Variants in PCSK5 observed in about 807,000 individuals in gnomAD.
The protein encoded by PCSK5 is prohormone convertase 5.
PCSK5 carries 129 observed loss-of-function variants against 233.2 expected under a neutral mutation model. The ratio of observed to expected loss-of-function variants is 0.55; its 90% CI spans 0.48 to 0.64. The LOEUF is 0.64. Among genes scored for constraint, PCSK5 ranks in the 30% least tolerant of loss-of-function variants. PCSK5 has a pLI of 0.00. For missense variants in PCSK5, 2,076 were observed against 2,430.1 expected (o/e 0.85, Z 3.06); for synonymous variants, 825 against 879.2 (o/e 0.94, Z 1.09).
intron 5 of PCSK5, among the ~76,000 whole-genome samples, chr9:76,057,393 C>T (rs1829859307): frequency 6.6e-6 from 1 of 151,974 alleles, no homozygotes; most frequent in Non-Finnish European, 1.5e-5. Flanking sequence ...TGATATTTTT[C>T]TCGGGGTAGT....
At chr9:76,046,768 G>A (rs1159043962) in intron 5 of PCSK5, among the ~76,000 whole-genome samples, 1 of 150,844 alleles carries the variant, frequency 6.6e-6, no homozygotes, top group African/African-American at 2.4e-5. Flanking sequence ...CAACGTGTTA[G>A]CCAGGATGGT....
intron 3 of PCSK5, among the ~76,000 whole-genome samples, chr9:75,986,655 A>G (rs1393328141): frequency 6.6e-6 from 1 of 152,214 alleles, no homozygotes; most frequent in African/African-American, 2.4e-5. Flanking sequence ...CATCATTGAA[A>G]TGACTCTGCT....
chr9:76,109,967 A>C (rs1564031812), intron 9 of PCSK5, among the ~76,000 whole-genome samples: 1 of 152,212 alleles, frequency 6.6e-6, no homozygotes, highest in African/African-American at 2.4e-5. Context: ...CAGTGCATTA[A>C]GGCTGCAGTT....
chr9:76,330,594 GA>G (rs1156698005), intron 33 of PCSK5, among the ~76,000 whole-genome samples: 1 of 151,560 alleles, frequency 6.6e-6, no homozygotes, highest in East Asian at 1.9e-4. Flanking sequence ...ACAAAAAATG[GA>G]AAAAAATTAA....
chr9:76,193,123 C>G (rs1273662176), intron 20 of PCSK5: 1 of 837,930 alleles, frequency 1.2e-6, no homozygotes, highest in East Asian at 2.8e-5. Context: ...CCTGAATGAT[C>G]TCTTCCAATT....
At chr9:76,209,087 A>G (rs890815667) in intron 20 of PCSK5, among the ~76,000 whole-genome samples, 2 of 152,198 alleles carry the variant, frequency 1.3e-5, no homozygotes, top group Non-Finnish European at 2.9e-5. Flanking sequence ...ATTTTTAACT[A>G]AGGATATTTC....
intron 1 of PCSK5, among the ~76,000 whole-genome samples, chr9:75,913,344 T>C (rs2131236667): frequency 6.6e-6 from 1 of 152,362 alleles, no homozygotes; most frequent in African/African-American, 2.4e-5. Flanking sequence ...TTTTGCTTAA[T>C]TACAGTCATT....
At chr9:75,941,908 A>G (rs1824321835) in intron 2 of PCSK5, among the ~76,000 whole-genome samples, 1 of 152,224 alleles carries the variant, frequency 6.6e-6, no homozygotes, top group Non-Finnish European at 1.5e-5. Flanking sequence ...CTGATGGGAA[A>G]GTTTTGATCA....
At chr9:76,267,367 C>A (rs145123234) in intron 24 of PCSK5, among the ~76,000 whole-genome samples, 25 of 152,128 alleles carry the variant, frequency 1.6e-4, no homozygotes, top group African/African-American at 5.8e-4. Context: ...CACGGTGGGG[C>A]AAAGCTCTCT....
At chr9:76,235,125 T>C (rs892460884) in intron 22 of PCSK5, among the ~76,000 whole-genome samples, 5 of 152,168 alleles carry the variant, frequency 3.3e-5, no homozygotes, top group African/African-American at 1.2e-4. Flanking sequence ...ATCAGCACAG[T>C]GTCTGGTATA....
intron 10 of PCSK5, among the ~76,000 whole-genome samples, chr9:76,144,079 A>T (rs957942712): frequency 6.6e-6 from 1 of 150,958 alleles, no homozygotes; most frequent in African/African-American, 2.5e-5. Flanking sequence ...GCAGAATGAC[A>T]GAAGCACTTA....
At chr9:76,049,099 TA>T (rs33912681) in intron 5 of PCSK5, among the ~76,000 whole-genome samples, 3,602 of 146,334 alleles carry the variant, frequency 0.025, 121 homozygotes, top group African/African-American at 0.068. Flanking sequence ...TTCAAAGGGT[TA>T]AAAAAAAAAA....
intron 9 of PCSK5, among the ~76,000 whole-genome samples, chr9:76,133,157 G>A (rs1279294262): frequency 6.6e-6 from 1 of 151,962 alleles, no homozygotes; most frequent in Non-Finnish European, 1.5e-5. Context: ...GAAGGTAGCT[G>A]GTGAGAAACA....
chr9:76,197,798 T>C (rs778187312), intron 20 of PCSK5, among the ~76,000 whole-genome samples: 9 of 152,188 alleles, frequency 5.9e-5, no homozygotes, highest in Non-Finnish European at 1.2e-4. Flanking sequence ...GCGCCCAATA[T>C]GTGTAGAAGA....
intron 2 of PCSK5, among the ~76,000 whole-genome samples, chr9:75,956,537 T>C (rs1825102624): frequency 6.6e-6 from 1 of 152,212 alleles, no homozygotes; most frequent in Admixed American, 6.5e-5. Flanking sequence ...AATATATTCA[T>C]ATCACTCAAA....
At chr9:76,193,626 A>T in intron 20 of PCSK5, 1 of 300,754 alleles carries the variant, frequency 3.3e-6, no homozygotes, top group Non-Finnish European at 6.1e-6. Context: ...ACAGTATTGT[A>T]TGACCAAAGC....
intron 2 of PCSK5, among the ~76,000 whole-genome samples, chr9:75,961,892 C>A (rs1825369792): frequency 6.6e-6 from 1 of 152,122 alleles, no homozygotes; most frequent in Admixed American, 6.5e-5. Flanking sequence ...AACTAGCACG[C>A]CTTGCATTCT....
intron 9 of PCSK5, among the ~76,000 whole-genome samples, chr9:76,117,222 C>G (rs1301948473): frequency 6.6e-6 from 1 of 152,196 alleles, no homozygotes; most frequent in African/African-American, 2.4e-5. Flanking sequence ...CTTGCCAGAG[C>G]TGCCAGGAAC....
At chr9:75,994,381 T>G in intron 3 of PCSK5, among the ~76,000 whole-genome samples, 1 of 139,154 alleles carries the variant, frequency 7.2e-6, no homozygotes, top group Non-Finnish European at 1.5e-5. Flanking sequence ...CCCAGTTTCT[T>G]TCTTTTCTTT....
Sources: gnomAD v4.1 joint callset for allele counts (sites outside exome capture counted in the v4.1 genomes callset) on GRCh38, gnomAD v4.1.1 for gene constraint, MANE v1.5 for transcripts, NCBI Gene and HGNC (gene_info 2026-07-23, HGNC 2026-07-21) for gene names.